Variants in SYNPO2 observed in about 807,000 individuals in gnomAD.
SYNPO2 encodes the protein synaptopodin 2.
Under a neutral mutation model 85.0 loss-of-function variants are expected in SYNPO2, and 56 were observed. The ratio of observed to expected loss-of-function variants is 0.66; its 90% CI spans 0.53 to 0.82. SYNPO2 has a LOEUF of 0.82. Among genes scored for constraint, SYNPO2 ranks in the 40% least tolerant of loss-of-function variants. The probability of loss-of-function intolerance (pLI) is 0.00; values close to 1 mark genes in which losing one functional copy is unlikely to be tolerated. For missense variants in SYNPO2, 1,575 were observed against 1,534.2 expected (o/e 1.03, Z -0.44); for synonymous variants, 602 against 591.1 (o/e 1.02, Z -0.27).
At chr4:118,934,910 G>T (rs541924784) in intron 1 of SYNPO2, among the ~76,000 whole-genome samples, 1 of 152,134 alleles carries the variant, frequency 6.6e-6, no homozygotes, top group African/African-American at 2.4e-5. Flanking sequence ...TTATTCATCG[G>T]TGTTTATTTT....
chr4:118,896,250 T>C (rs1395778080), intron 1 of SYNPO2, among the ~76,000 whole-genome samples: 8 of 152,140 alleles, frequency 5.3e-5, no homozygotes, highest in African/African-American at 1.9e-4. Context: ...GATAACAAAC[T>C]ATTCTTTTTT....
chr4:118,920,661 G>GTTCTT (rs1733503103), intron 1 of SYNPO2, among the ~76,000 whole-genome samples: 4 of 152,102 alleles, frequency 2.6e-5, no homozygotes, highest in Non-Finnish European at 5.9e-5. Flanking sequence ...TGTAATGTAA[G>GTTCTT]AAATATGTAT....
intron 1 of SYNPO2, among the ~76,000 whole-genome samples, chr4:119,006,911 G>A (rs1387213271): frequency 6.6e-6 from 1 of 151,726 alleles, no homozygotes; most frequent in Non-Finnish European, 1.5e-5. Flanking sequence ...CAATTTTTGT[G>A]ACCATCCTAA....
At chr4:118,937,205 GC>G (rs1268016768) in intron 1 of SYNPO2, among the ~76,000 whole-genome samples, 2 of 152,102 alleles carry the variant, frequency 1.3e-5, no homozygotes, top group Non-Finnish European at 2.9e-5. Flanking sequence ...GCAAGGCCCC[GC>G]CTACATGTCC....
intron 1 of SYNPO2, among the ~76,000 whole-genome samples, chr4:118,918,642 G>A (rs1733435726): frequency 6.6e-6 from 1 of 152,210 alleles, no homozygotes; most frequent in Non-Finnish European, 1.5e-5. Context: ...ATTTGATGAT[G>A]TGGAACAAGA....
intron 3 of SYNPO2, among the ~76,000 whole-genome samples, chr4:119,027,641 T>C (rs922962879): frequency 1.3e-5 from 2 of 152,234 alleles, no homozygotes; most frequent in East Asian, 1.9e-4. Flanking sequence ...GAACTTCATA[T>C]AGATTTAAAC....
chr4:118,944,861 C>T (rs1342147624), intron 1 of SYNPO2, among the ~76,000 whole-genome samples: 1 of 152,034 alleles, frequency 6.6e-6, no homozygotes, highest in Non-Finnish European at 1.5e-5. Flanking sequence ...TTAAAATATA[C>T]CATCAATCAG....
chr4:119,016,684 T>G (rs1397150245), intron 1 of SYNPO2, among the ~76,000 whole-genome samples: 2 of 152,268 alleles, frequency 1.3e-5, no homozygotes. Context: ...TGCTAGGCTC[T>G]GCTCTATCAG....
At chr4:118,865,470 A>T (rs1731684850) in intron 1 of SYNPO2, among the ~76,000 whole-genome samples, 1 of 152,258 alleles carries the variant, frequency 6.6e-6, no homozygotes, top group Non-Finnish European at 1.5e-5. Context: ...GAGCATATTT[A>T]GTGGGTAGGA....
At position 119,059,343 on chromosome 4, in the gene SYNPO2, G is replaced by A. The variant is rs1193793382; in HGVS notation, c.*1409G>A. Reference sequence around the variant, plus strand: ...CAGTTATAGAAAACATGCCACAGAAGCCTATGTAACAAGTGGTGCTTCTTT... The same window carrying A: ...CAGTTATAGAAAACATGCCACAGAAACCTATGTAACAAGTGGTGCTTCTTT... On this transcript the variant is annotated 3_prime_UTR_variant, in exon 5 of 5. Transcript: ENST00000307142. 1 of 152,146 alleles carries A rather than the reference G, an allele frequency of 6.6e-6. No homozygotes were observed. Among genetic ancestry groups the A allele is most frequent in the African/African-American group, 2.4e-5 (1 of 41,422 alleles). 9.4% of individuals were successfully genotyped at this position (152,146 alleles called of 1,614,324 possible). A position where few individuals can be genotyped will look rare whatever the true frequency, so the allele number is the denominator to read the frequency against.
At chr4:118,863,833 A>G (rs186016087) in intron 1 of SYNPO2, among the ~76,000 whole-genome samples, 94 of 152,228 alleles carry the variant, frequency 6.2e-4, no homozygotes, top group African/African-American at 1.9e-3. Flanking sequence ...GCTGGTCTCA[A>G]ATTTCTGAGG....
chr4:118,983,055 A>T (rs893879744), intron 1 of SYNPO2, among the ~76,000 whole-genome samples: 3 of 151,796 alleles, frequency 2.0e-5, no homozygotes, highest in Non-Finnish European at 2.9e-5. Flanking sequence ...TGCTTTCTGT[A>T]TTTTTTTGCA....
At chr4:118,969,155 TGGTGGG>T (rs1460132371) in intron 1 of SYNPO2, among the ~76,000 whole-genome samples, 2 of 152,182 alleles carry the variant, frequency 1.3e-5, no homozygotes, top group African/African-American at 4.8e-5. Context: ...ACTCTGTCTC[TGGTGGG>T]TTACCACTGT....
intron 1 of SYNPO2, among the ~76,000 whole-genome samples, chr4:118,913,621 T>C (rs1733213209): frequency 6.6e-6 from 1 of 151,190 alleles, no homozygotes; most frequent in Non-Finnish European, 1.5e-5. Context: ...CATTGGTGTG[T>C]TCCTGTAATA....
Position 118,869,206 on chromosome 4 carries a change from G to A in SYNPO2, c.12+18266G>A, listed in dbSNP as rs577318808. Among the ~76,000 whole-genome samples the A allele has an allele frequency of 3.9e-5, 6 of 152,076 alleles. No homozygotes were observed. In the Middle Eastern group the frequency reaches 0.01, roughly 260 times the overall value. On this transcript the variant is annotated intron_variant, in intron 1 of 4. Transcript: ENST00000610556. ...CAAGTAGCTGGGATTACAGGCACGCGCCACCACACCTGGCTTATTTTTTGT... is the reference window on the plus strand; with the variant it reads ...CAAGTAGCTGGGATTACAGGCACGCACCACCACACCTGGCTTATTTTTTGT...
exon 1 of SYNPO2, chr4:118,850,723 C>T: frequency 2.5e-6 from 1 of 398,588 alleles, no homozygotes; most frequent in East Asian, 3.6e-5. Context: ...ACATGTTGCT[C>T]TGGAGCTCAG....
At chr4:119,015,842 A>C (rs1214223137) in intron 1 of SYNPO2, among the ~76,000 whole-genome samples, 1 of 152,186 alleles carries the variant, frequency 6.6e-6, no homozygotes, top group Non-Finnish European at 1.5e-5. Flanking sequence ...TGAGTGGCCC[A>C]ATCTTCTGAG....
chr4:118,998,835 TCTCCATCCCTCCTCCCCA>T lies in SYNPO2; in HGVS notation c.106-24590_106-24573del, dbSNP rs1204898389. 2.6e-5 allele frequency among the ~76,000 whole-genome samples: 4 copies of T among 152,326 alleles called. No homozygotes were observed. The East Asian group carries it at 7.7e-4, about 29-fold the overall frequency. On this transcript the variant is annotated intron_variant, in intron 1 of 4. Coordinates refer to ENST00000307142, the MANE Select transcript of SYNPO2 (RefSeq NM_133477.3). The stretch of plus-strand genomic sequence containing the variant: ...AAAGTTTGAGATTAACTCTTCTTCC[TCTCCATCCCTCCTCCCCA>T]CTCCCTCCCTCCCTCTCTCTCTTAC...
At chr4:118,922,093 A>T (rs553331670) in intron 1 of SYNPO2, among the ~76,000 whole-genome samples, 3 of 152,134 alleles carry the variant, frequency 2.0e-5, no homozygotes, top group Non-Finnish European at 1.5e-5. Context: ...TGGGCTTATA[A>T]ATGGTTAAAT....
Sources: allele counts gnomAD v4.1 joint callset (sites outside exome capture counted in the v4.1 genomes callset), GRCh38; gene constraint gnomAD v4.1.1; transcripts MANE v1.5; gene names NCBI Gene and HGNC (gene_info 2026-07-23, HGNC 2026-07-21).